ZNF541: variants seen among roughly 807,000 people sequenced by gnomAD.
The protein encoded by ZNF541 is zinc finger protein 541.
In ZNF541, 23 loss-of-function variants were observed where a neutral mutation model predicts 123.5. That is an observed-to-expected ratio of 0.19 (90% CI 0.13 to 0.26). The LOEUF (loss-of-function observed/expected upper bound fraction) is 0.26. Among genes scored for constraint, ZNF541 ranks in the 10% least tolerant of loss-of-function variants. The probability of loss-of-function intolerance (pLI) is 1.00; values close to 1 mark genes in which losing one functional copy is unlikely to be tolerated. For missense variants in ZNF541, 1,612 were observed against 1,789.9 expected (o/e 0.90, Z 1.79); for synonymous variants, 751 against 754.5 (o/e 1.00, Z 0.08).
chr19:47,532,148 C>T lies in ZNF541; in HGVS notation c.3281G>A (p.Ser1094Asn), dbSNP rs1045735023. The change falls in exon 11 of 17, where the codon AGC (serine) becomes AAC (asparagine). Residue 1094 changes from serine to asparagine, a missense_variant. Around this residue, in one of 5 missense-constraint regions of ZNF541, gnomAD observed 285 missense variants for 407.3 expected, o/e 0.70. Transcript: ENST00000391901. The stretch of plus-strand genomic sequence containing the variant: ...GCCACCTCTATCCTGTGTCTCTGAG[C>T]TGATCATCATATCTCCCCATGGCTT... ...VWKPWGDMMISSETQDRVTEL... is the reference protein window; with the variant it reads ...VWKPWGDMMINSETQDRVTEL... The T allele has an allele frequency of 1.9e-6, 3 of 1,551,638 alleles. No individual in the cohort carries two copies. Among genetic ancestry groups the T allele is most frequent in the Non-Finnish European group, 2.6e-6 (3 of 1,147,006 alleles).
rs1271617542 is a variant in ZNF541, at chr19:47,544,783, C to T, written c.1746G>A (p.Ala582=). The change falls in exon 5 of 17, where the codon GCG becomes GCA. Residue 582 remains alanine, a synonymous_variant. Transcript: ENST00000391901. ...TCAGGGCGGCTGGTTTGCCCTCGGG[C>T]GCAGGGAGCTGGGAGGAGACTGCTG... ...QVAAVSSQLP[A]PEGKPAALRP... 1.5e-5 allele frequency: 23 copies of T among 1,516,728 alleles called. No homozygotes were observed. The highest frequency in any genetic ancestry group is 5.5e-5 in the African/African-American group (4 of 72,678). 94.0% of individuals were successfully genotyped at this position (1,516,728 alleles called of 1,614,324 possible). A position where few individuals can be genotyped will look rare whatever the true frequency, so the allele number is the denominator to read the frequency against.
rs1402614637 is a variant in ZNF541, at chr19:47,520,833, G to T, written c.*391C>A. The T allele has an allele frequency of 5.5e-6, 1 of 180,658 alleles. No individual in the cohort carries two copies. The highest frequency in any genetic ancestry group is 1.4e-4 in the East Asian group (1 of 6,954). 11.2% of individuals were successfully genotyped at this position (180,658 alleles called of 1,614,324 possible). A position where few individuals can be genotyped will look rare whatever the true frequency, so the allele number is the denominator to read the frequency against. On this transcript the variant is annotated 3_prime_UTR_variant, in exon 17 of 17. Transcript: ENST00000391901. Reference sequence around the variant, plus strand: ...GGGCCCAGCGTGTTGGAGATCTCAAGGTTTTTTCCCACTGATTCTCTAAGT... The same window carrying T: ...GGGCCCAGCGTGTTGGAGATCTCAATGTTTTTTCCCACTGATTCTCTAAGT...
At chr19:47,573,001 A>T (rs1330940603) in intron 1 of ZNF541, among the ~76,000 whole-genome samples, 82 bp downstream of exon 1, 1 of 150,596 alleles carries the variant, frequency 6.6e-6, no homozygotes, top group Non-Finnish European at 1.5e-5. Context: ...AAAAAGGGGG[A>T]GGGGTTGAAA....
intron 1 of ZNF541, among the ~76,000 whole-genome samples, chr19:47,572,502 C>CT (rs1971509836): frequency 6.6e-6 from 1 of 151,492 alleles, no homozygotes; most frequent in Admixed American, 6.6e-5. Context: ...AATTTTTTTT[C>CT]TTTTTTTGCG....
chr19:47,535,709 C>T (rs1969784782), intron 9 of ZNF541, among the ~76,000 whole-genome samples: 1 of 151,962 alleles, frequency 6.6e-6, no homozygotes, highest in East Asian at 1.9e-4. Flanking sequence ...TGCAGGAGGA[C>T]TGTTTCACCC....
rs750727707 is a variant in ZNF541 at position 47,545,389 on chromosome 19, G to T, written c.1140C>A (p.Thr380=). ...PDTALLQARS[T]AECWPEGGSV... ...AGCCGCCTTCGGGCCAGCACTCCGCGGTGGACCGGGCCTGGAGCAGCGCGG... is the reference window on the plus strand; with the variant it reads ...AGCCGCCTTCGGGCCAGCACTCCGCTGTGGACCGGGCCTGGAGCAGCGCGG... Residue 380 remains threonine (T), a synonymous_variant, in exon 5 of 17, where the codon ACC becomes ACA. Transcript: ENST00000391901. This position sits in a 1 kb window ranked among gnomAD's most constrained non-coding sequence, Gnocchi z 7.5. 1 of 1,520,832 alleles carries T rather than the reference G, an allele frequency of 6.6e-7. No homozygotes were observed. Among genetic ancestry groups the T allele is most frequent in the Non-Finnish European group, 8.8e-7 (1 of 1,131,670 alleles). 94.2% of individuals were successfully genotyped at this position (1,520,832 alleles called of 1,614,324 possible).
At chr19:47,532,312 T>C in intron 10 of ZNF541, 42 bp from the exon 11 acceptor site, 1 of 1,545,454 alleles carries the variant, frequency 6.5e-7, no homozygotes, top group Non-Finnish European at 8.7e-7. Context: ...CGTACAAACA[T>C]GACTGAGATG....
At chr19:47,539,249 G>C (rs1021974599) in intron 8 of ZNF541, among the ~76,000 whole-genome samples, 10 of 151,592 alleles carry the variant, frequency 6.6e-5, no homozygotes, top group African/African-American at 2.4e-4. Context: ...AGTGAATGCT[G>C]AATGACTGAA....
chr19:47,540,094 A>G (rs1162999639), intron 7 of ZNF541, 82 bp downstream of exon 7: 1 of 1,478,482 alleles, frequency 6.8e-7, no homozygotes, highest in East Asian at 2.5e-5. Flanking sequence ...CCATCCTGAG[A>G]TAAGTGACAC....
intron 13 of ZNF541, 83 bp downstream of exon 13, chr19:47,529,494 C>G: frequency 3.6e-6 from 5 of 1,398,310 alleles, no homozygotes; most frequent in Non-Finnish European, 3.9e-6. Flanking sequence ...CTCCAGGAGG[C>G]AGGGGCAGAG....
At position 47,544,223 on chromosome 19, in the gene ZNF541, G is replaced by T. The variant is rs775665526; in HGVS notation, c.2306C>A (p.Ala769Glu). ...KEKAKMDMCC[A>E]ASPSQVAMAS... ...CATGGCTACCTGGCTCGGAGAAGCC[G>T]CACAGCACATATCCATCTTCGCCTT... Residue 769 changes from alanine to glutamate, a missense_variant, in exon 5 of 17, where the codon GCG becomes GAG. Physicochemically the swap from Ala to Glu is moderately radical, Grantham distance 107. Coordinates refer to ENST00000391901, the MANE Select transcript of ZNF541 (RefSeq NM_001277075.3). 12 of 1,551,652 alleles carry T rather than the reference G, an allele frequency of 7.7e-6. No individual in the cohort carries two copies. The Admixed American group carries it at 7.8e-5, about 10-fold the overall frequency.
intron 5 of ZNF541, among the ~76,000 whole-genome samples, chr19:47,541,635 G>T (rs1315393275): frequency 6.6e-6 from 1 of 152,128 alleles, no homozygotes; most frequent in Non-Finnish European, 1.5e-5. Context: ...TACACAGATG[G>T]CCAATAAGAA....
intron 14 of ZNF541, 25 bp downstream of exon 14, chr19:47,528,925 G>A (rs1364197664): frequency 2.6e-6 from 4 of 1,537,584 alleles, no homozygotes; most frequent in Non-Finnish European, 3.5e-6. Context: ...GCAGGGCCTT[G>A]GACACCAGCC....
intron 2 of ZNF541, among the ~76,000 whole-genome samples, chr19:47,565,345 A>G (rs1196013176): frequency 2.0e-5 from 3 of 152,218 alleles, no homozygotes; most frequent in African/African-American, 7.2e-5. Flanking sequence ...AGAAAAACCC[A>G]GTACATCTGG....
intron 12 of ZNF541, among the ~76,000 whole-genome samples, chr19:47,530,984 A>T (rs1340849271): frequency 6.6e-6 from 1 of 152,066 alleles, no homozygotes; most frequent in Non-Finnish European, 1.5e-5. Flanking sequence ...AGAGCATTAA[A>T]CCAAGCGTGG....
chr19:47,549,845 C>T (rs573572866), intron 3 of ZNF541, among the ~76,000 whole-genome samples: 1 of 152,172 alleles, frequency 6.6e-6, no homozygotes, highest in Non-Finnish European at 1.5e-5. Context: ...ACACACCCAG[C>T]CAATTCTGTT....
rs1335028427 is a variant in ZNF541 at position 47,545,794 on chromosome 19, C to T, written c.735G>A (p.Ser245=). 6 of 1,541,964 alleles carry T rather than the reference C, an allele frequency of 3.9e-6. No homozygotes were observed. Among genetic ancestry groups the T allele is most frequent in the Admixed American group, 2.0e-5 (1 of 50,660 alleles). The change falls in exon 5 of 17, where the codon TCG becomes TCA. Residue 245 remains serine (S), a synonymous_variant. Coordinates refer to ENST00000391901, the MANE Select transcript of ZNF541 (RefSeq NM_001277075.3). The surrounding 1 kb of genome is among the most constrained non-coding windows in gnomAD (Gnocchi z 7.5). ...GGCTGCTGGGGGGCGGCTGGCCGGC[C>T]GACTCGTGGGCGTGGGGGGAGTCCC... ...ACGDSPHAHE[S]AGQPPPSSLR...
At position 47,555,569 on chromosome 19, in the gene ZNF541, C is replaced by T. The variant is rs1363842929; in HGVS notation, c.288G>A (p.Glu96=). The change falls in exon 3 of 17, where the codon GAG becomes GAA. Residue 96 remains glutamate (E), a synonymous_variant. Coordinates refer to ENST00000391901, the MANE Select transcript of ZNF541 (RefSeq NM_001277075.3). ...VKLLEEYADS[E]SQASLQDLGL... is the part of the protein sequence containing the mutation. The stretch of plus-strand genomic sequence containing the variant: ...CCTCACCTTGTAAGGATGCCTGAGA[C>T]TCCGAATCTGCGTACTCCTCCAGCA... 1.3e-6 allele frequency: 2 copies of T among 1,546,418 alleles called. No individual in the cohort carries two copies. Among genetic ancestry groups the T allele is most frequent in the Non-Finnish European group, 8.7e-7 (1 of 1,143,204 alleles).
At position 47,544,390 on chromosome 19, in the gene ZNF541, C is replaced by G; in HGVS notation, c.2139G>C (p.Leu713=). 6.4e-7 allele frequency: 1 copy of G among 1,551,646 alleles called. No homozygotes were observed. The highest frequency in any genetic ancestry group is 2.0e-5 in the Admixed American group (1 of 51,010). Residue 713 remains leucine, a synonymous_variant, in exon 5 of 17, where the codon CTG becomes CTC. Transcript: ENST00000391901. ...LGGEEPPGAS[L]PGKQAPAENG... Reference sequence around the variant, plus strand: ...TCTCGGCTGGGGCCTGCTTCCCTGGCAGCGAGGCTCCTGGTGGCTCCTCCC... The same window carrying G: ...TCTCGGCTGGGGCCTGCTTCCCTGGGAGCGAGGCTCCTGGTGGCTCCTCCC...
Sources: gnomAD v4.1 joint callset for allele counts (sites outside exome capture counted in the v4.1 genomes callset) on GRCh38, gnomAD v4.1.1 for gene constraint, gnomAD v4.1.1 regional missense constraint, Gnocchi (gnomAD v3.1) non-coding constraint, MANE v1.5 for transcripts, NCBI Gene and HGNC (gene_info 2026-07-23, HGNC 2026-07-21) for gene names.